The following MPPED2 variants were observed in gnomAD, a reference collection of about 807,000 sequenced individuals.
MPPED2 encodes metallophosphoesterase MPPED2.
MPPED2 carries 5 observed loss-of-function variants against 33.0 expected under a neutral mutation model. The observed-to-expected ratio is 0.15, with a 90% CI of 0.08 to 0.32. MPPED2 has a LOEUF of 0.32. Ranked by LOEUF, MPPED2 falls within the 10% of genes least tolerant of loss-of-function variation. MPPED2 has a pLI of 1.00. For missense variants in MPPED2, 275 were observed against 372.1 expected (o/e 0.74, Z 2.15); for synonymous variants, 136 against 141.9 (o/e 0.96, Z 0.29).
chr11:30,486,489 G>A (rs185836289), intron 4 of MPPED2, among the ~76,000 whole-genome samples: 189 of 152,246 alleles, frequency 1.2e-3, no homozygotes, highest in African/African-American at 4.5e-3. Context: ...TCTAGCTTCC[G>A]ACCAATCTCA....
intron 3 of MPPED2, chr11:30,501,679 C>T: frequency 2.2e-6 from 2 of 917,934 alleles, no homozygotes. Context: ...AGAATTTCTT[C>T]TTAGAATCAG....
chr11:30,462,109 A>T (rs1374240828), intron 4 of MPPED2, among the ~76,000 whole-genome samples: 1 of 152,228 alleles, frequency 6.6e-6, no homozygotes, highest in African/African-American at 2.4e-5. Context: ...AAACTTGGAA[A>T]GCTTTGCCCT....
chr11:30,492,742 G>A (rs1952040409), intron 4 of MPPED2, among the ~76,000 whole-genome samples: 2 of 152,014 alleles, frequency 1.3e-5, no homozygotes, highest in Admixed American at 1.3e-4. Context: ...AACTGGATCT[G>A]AGGATTATAA....
At chr11:30,395,727 C>A (rs565911664) in intron 6 of MPPED2, among the ~76,000 whole-genome samples, 1 of 152,244 alleles carries the variant, frequency 6.6e-6, no homozygotes, top group South Asian at 2.1e-4. Flanking sequence ...GATAAATAAT[C>A]AAGGATTATA....
At chr11:30,534,429 A>G (rs1451854924) in intron 3 of MPPED2, among the ~76,000 whole-genome samples, 1 of 152,218 alleles carries the variant, frequency 6.6e-6, no homozygotes, top group Admixed American at 6.5e-5. Flanking sequence ...CCACTATGAA[A>G]CTGAAAAAAT....
intron 4 of MPPED2, among the ~76,000 whole-genome samples, chr11:30,476,866 A>G (rs1246564906): frequency 1.3e-5 from 2 of 152,028 alleles, no homozygotes; most frequent in African/African-American, 2.4e-5. Context: ...AACATAATAT[A>G]TCTTCATTTG....
At chr11:30,468,135 T>C (rs1330137735) in intron 4 of MPPED2, among the ~76,000 whole-genome samples, 1 of 152,174 alleles carries the variant, frequency 6.6e-6, no homozygotes, top group Admixed American at 6.5e-5. Flanking sequence ...ATTTACTAAG[T>C]ATTTCTCTAC....
chr11:30,483,320 G>C (rs1951576642), intron 4 of MPPED2, among the ~76,000 whole-genome samples: 1 of 152,216 alleles, frequency 6.6e-6, no homozygotes, highest in Non-Finnish European at 1.5e-5. Context: ...GTAATGTTTA[G>C]CAACAGAAGC....
rs199641278 is a variant in MPPED2, at chr11:30,417,137, C to CCAT, written c.652+378_652+380dup. 4.0e-3 allele frequency among the ~76,000 whole-genome samples: 613 copies of CCAT among 152,272 alleles called. 2 individuals carry two copies. The highest frequency in any genetic ancestry group is 0.014 in the African/African-American group (576 of 41,548). On this transcript the variant is annotated intron_variant, in intron 5 of 6. Transcript: ENST00000358117. Reference sequence around the variant, plus strand: ...AATGAGCTCCTTTGAATAAAAATTTCCATCATTTCATTGCCATTCAAAAGC... The same window carrying CCAT: ...AATGAGCTCCTTTGAATAAAAATTTCCATCATCATTTCATTGCCATTCAAAAGC...
intron 4 of MPPED2, among the ~76,000 whole-genome samples, chr11:30,436,648 A>C (rs142603905): frequency 6.6e-6 from 1 of 152,234 alleles, no homozygotes; most frequent in African/African-American, 2.4e-5. Flanking sequence ...TATTATTATT[A>C]CTGTGGGAGT....
intron 3 of MPPED2, among the ~76,000 whole-genome samples, chr11:30,523,730 C>T (rs763456369): frequency 5.3e-5 from 8 of 149,538 alleles, no homozygotes; most frequent in Non-Finnish European, 1.0e-4. Flanking sequence ...CAGGTTCAAG[C>T]AATTCTCCTG....
chr11:30,476,143 G>A (rs1403682732), intron 4 of MPPED2, among the ~76,000 whole-genome samples: 4 of 151,912 alleles, frequency 2.6e-5, no homozygotes, highest in African/African-American at 9.7e-5. Context: ...TCTGGATAGA[G>A]ATTTACATAA....
At chr11:30,449,183 A>AAT (rs1565078025) in intron 4 of MPPED2, among the ~76,000 whole-genome samples, 3 of 151,198 alleles carry the variant, frequency 2.0e-5, no homozygotes, top group African/African-American at 7.3e-5. Flanking sequence ...AAATGTTAAG[A>AAT]GAATGAATGA....
At chr11:30,406,793 C>T (rs906905124), downstream of MPPED2, among the ~76,000 whole-genome samples, 1 of 152,194 alleles carries the variant, frequency 6.6e-6, no homozygotes, top group Non-Finnish European at 1.5e-5. Context: ...GCAATTGTTC[C>T]TACCCCATAC....
intron 4 of MPPED2, among the ~76,000 whole-genome samples, chr11:30,434,694 T>C (rs954574507): frequency 6.6e-6 from 1 of 152,202 alleles, no homozygotes; most frequent in Non-Finnish European, 1.5e-5. Context: ...TTGATACCTA[T>C]GAAATGCTTA....
intron 4 of MPPED2, among the ~76,000 whole-genome samples, chr11:30,448,053 T>A (rs957270327): frequency 6.6e-6 from 1 of 152,142 alleles, no homozygotes; most frequent in African/African-American, 2.4e-5. Flanking sequence ...TGGCTTAAGA[T>A]GAGGGAAATC....
At chr11:30,498,228 A>T (rs942803083) in intron 3 of MPPED2, among the ~76,000 whole-genome samples, 1 of 151,980 alleles carries the variant, frequency 6.6e-6, no homozygotes, top group Non-Finnish European at 1.5e-5. Flanking sequence ...TGCTTGTATA[A>T]AAAAAACCAA....
rs1948105841 is a variant in MPPED2 at position 30,411,574 on chromosome 11, A to G, written c.779T>C (p.Met260Thr). The part of the protein sequence containing the change: ...FGGIHEGYGI[M>T]TDGYTTYINA... Reference sequence around the variant, plus strand: ...GATGTACGTTGTGTAACCGTCGGTCATGATGCCATAACCTGTGGGGAGAGC... The same window carrying G: ...GATGTACGTTGTGTAACCGTCGGTCGTGATGCCATAACCTGTGGGGAGAGC... Residue 260 changes from methionine (M) to threonine (T), a missense_variant, in exon 7 of 7, where the codon ATG becomes ACG. Physicochemically the swap from Met to Thr is moderately conservative, Grantham distance 81. Transcript: ENST00000358117. The G allele has an allele frequency of 1.2e-6, 2 of 1,613,358 alleles. No individual in the cohort carries two copies. The highest frequency in any genetic ancestry group is 2.7e-5 in the African/African-American group (2 of 74,926).
chr11:30,569,277 G>A (rs1956588841), intron 2 of MPPED2, among the ~76,000 whole-genome samples: 1 of 152,078 alleles, frequency 6.6e-6, no homozygotes, highest in Non-Finnish European at 1.5e-5. Flanking sequence ...AGTTGCAAGA[G>A]GGGTTAGAAC....
Sources: allele counts gnomAD v4.1 joint callset (sites outside exome capture counted in the v4.1 genomes callset), GRCh38; gene constraint gnomAD v4.1.1; transcripts MANE v1.5; gene names NCBI Gene and HGNC (gene_info 2026-07-23, HGNC 2026-07-21).